INF2: variants seen among roughly 807,000 people sequenced by gnomAD.
The protein encoded by INF2 is inverted formin-2.
A neutral mutation model predicts 123.5 loss-of-function variants in INF2; 43 were observed. That is an observed-to-expected ratio of 0.35 (90% confidence interval 0.27 to 0.45). The LOEUF (loss-of-function observed/expected upper bound fraction) is 0.45, where lower values mean the gene tolerates loss of function less well. Ranked by LOEUF, INF2 falls within the 20% of genes least tolerant of loss-of-function variation. The probability of loss-of-function intolerance (pLI) is 1.00; values close to 1 mark genes in which losing one functional copy is unlikely to be tolerated. For missense variants in INF2, 1,453 were observed against 1,682.7 expected (o/e 0.86, Z 2.39); for synonymous variants, 851 against 745.0 (o/e 1.14, Z -2.32).
At chr14:104,703,242 T>G in intron 3 of INF2, 22 bp downstream of exon 3, 1 of 1,612,956 alleles carries the variant, frequency 6.2e-7, no homozygotes, top group Non-Finnish European at 8.5e-7. Flanking sequence ...GGCCTGGGCC[T>G]GGGCACATGG....
intron 16 of INF2, 45 bp from the exon 17 acceptor site, chr14:104,712,388 G>A (rs1595177298): frequency 2.5e-6 from 4 of 1,610,054 alleles, no homozygotes; most frequent in Admixed American, 1.7e-5. Flanking sequence ...CAGCGAGGCT[G>A]ACGTCAGCCG....
chr14:104,682,222 A>C (rs1225938943), intron 1 of INF2, among the ~76,000 whole-genome samples: 1 of 152,128 alleles, frequency 6.6e-6, no homozygotes, highest in East Asian at 1.9e-4. Flanking sequence ...AGATGCAGGC[A>C]GGAGGCAGCA....
chr14:104,696,095 C>T (rs1287110907), intron 1 of INF2, among the ~76,000 whole-genome samples: 1 of 152,202 alleles, frequency 6.6e-6, no homozygotes, highest in African/African-American at 2.4e-5. Flanking sequence ...ACCATGCGGC[C>T]TGCTTCCCAT....
Position 104,718,734 on chromosome 14 carries a change from C to T in INF2, c.*2-61C>T, listed in dbSNP as rs1438992287. On this transcript the variant is annotated intron_variant, in intron 22 of 22. Coordinates refer to ENST00000392634, the MANE Select transcript of INF2 (RefSeq NM_022489.4). ...AGGGACCTGGGCACCCAGAAGCGGGCACCTGATATTGTACCCAGCAAAACT... is the reference window on the plus strand; with the variant it reads ...AGGGACCTGGGCACCCAGAAGCGGGTACCTGATATTGTACCCAGCAAAACT... 3.8e-6 allele frequency: 6 copies of T among 1,594,312 alleles called. No homozygotes were observed. The East Asian group carries it at 1.4e-4, about 36-fold the overall frequency.
rs1278798595 is a variant in INF2, at chr14:104,714,415, G to C, written c.3253G>C (p.Val1085Leu). ...RSSWYVDASDVLTTEDPQCPQ... is the reference protein window; with the variant it reads ...RSSWYVDASDLLTTEDPQCPQ... ...TTCCTGGTATGTGGATGCCAGCGAT[G>C]TCCTAACCACTGAGGATCCCCAGTG... is the stretch of plus-strand genomic sequence containing the variant. Residue 1085 changes from valine to leucine, a missense_variant, in exon 21 of 23, where the codon GTC becomes CTC. This residue lies in a region of INF2 where 344 missense variants were observed against 333.1 expected (regional missense o/e 1.03). Coordinates refer to ENST00000392634, the MANE Select transcript of INF2 (RefSeq NM_022489.4). 5 of 1,607,254 alleles carry C rather than the reference G, an allele frequency of 3.1e-6. No individual in the cohort carries two copies. The South Asian group carries it at 5.5e-5, about 18-fold the overall frequency.
In INF2 at chr14:104,715,345, G is replaced by A. The variant is rs764188359; in HGVS notation, c.*1+5G>A. 98 of 1,612,914 alleles carry A rather than the reference G, an allele frequency of 6.1e-5. No individual in the cohort carries two copies. Among genetic ancestry groups the A allele is most frequent in the Admixed American group, 8.3e-5 (5 of 60,008 alleles). On this transcript the variant is annotated splice_donor_5th_base_variant and intron_variant, in intron 22 of 22. Transcript: ENST00000392634. ...AACTGTGTGTGATCCAGTAAGGTAT[G>A]TACGCAGCCGGCGCTCCGTGGGGGC...
At chr14:104,681,373 C>CT (rs1176821253) in exon 1 of INF2, 2 of 451,538 alleles carry the variant, frequency 4.4e-6, no homozygotes, top group East Asian at 7.0e-5. Flanking sequence ...CACGTGCAGG[C>CT]TTGGCCCTCA....
At chr14:104,713,040 C>T (rs768558410) in intron 18 of INF2, 48 bp downstream of exon 18, 6 of 1,610,172 alleles carry the variant, frequency 3.7e-6, no homozygotes, top group East Asian at 2.2e-5. Context: ...AGTGGGGTCC[C>T]GAGGCCCCTG....
intron 2 of INF2, 38 bp downstream of exon 2, chr14:104,701,794 TG>T: frequency 1.4e-6 from 2 of 1,452,512 alleles, no homozygotes; most frequent in Non-Finnish European, 1.8e-6. Flanking sequence ...AGGCGGACGC[TG>T]GGGACCTGGT....
intron 20 of INF2, 127 bp downstream of exon 20, chr14:104,713,733 A>G: frequency 9.4e-7 from 1 of 1,061,888 alleles, no homozygotes; most frequent in Non-Finnish European, 1.3e-6. Context: ...GAGGCCCCTA[A>G]GACTGGGGAC....
chr14:104,718,880 C>T lies in INF2; in HGVS notation c.*87C>T, dbSNP rs1890443317. The stretch of plus-strand genomic sequence containing the variant: ...CTGCCAAGAGAGGCTCTTCTGGGGG[C>T]CAGGCTGGGACTGGGCCCCGGAAAC... On this transcript the variant is annotated 3_prime_UTR_variant, in exon 23 of 23. Transcript: ENST00000392634. The T allele has an allele frequency of 6.3e-7, 1 of 1,595,736 alleles. No individual in the cohort carries two copies. Among genetic ancestry groups the T allele is most frequent in the African/African-American group, 1.3e-5 (1 of 74,158 alleles).
Position 104,699,365 on chromosome 14 carries a change from A to G in INF2, c.-9-1992A>G. 4.1e-6 allele frequency: 4 copies of G among 984,190 alleles called. No homozygotes were observed. The highest frequency in any genetic ancestry group is 4.8e-6 in the Non-Finnish European group (4 of 828,876). 61.0% of individuals were successfully genotyped at this position (984,190 alleles called of 1,614,324 possible). On this transcript the variant is annotated intron_variant, in intron 1 of 22. Coordinates refer to ENST00000392634, the MANE Select transcript of INF2 (RefSeq NM_022489.4). This position sits in a 1 kb window ranked among gnomAD's most constrained non-coding sequence, Gnocchi z 4.7. ...GGGGCCTCTTTAGGCAGCAACAGCC[A>G]AGGCGGGTGGGAATATATGCAGAGG... is the stretch of plus-strand genomic sequence containing the variant.
intron 2 of INF2, 22 bp from the exon 3 acceptor site, chr14:104,703,083 C>A (rs1220812566): frequency 6.3e-7 from 1 of 1,591,228 alleles, no homozygotes; most frequent in Non-Finnish European, 8.6e-7. Context: ...CCCTGCTGAG[C>A]CTGCCCACTC....
At chr14:104,705,809 C>A (rs1366995914) in intron 5 of INF2, among the ~76,000 whole-genome samples, 1 of 152,234 alleles carries the variant, frequency 6.6e-6, no homozygotes, top group Non-Finnish European at 1.5e-5. Context: ...TGCCTGGTGA[C>A]CCGGGGGCAG....
At chr14:104,707,089 G>A (rs1217815080) in intron 7 of INF2, 38 bp downstream of exon 7, 2 of 1,553,606 alleles carry the variant, frequency 1.3e-6, no homozygotes, top group South Asian at 1.2e-5. Flanking sequence ...ACAGCCTGGT[G>A]GGCAGACACT....
rs368194536 is a variant in INF2 at position 104,711,135 on chromosome 14, G to A, written c.2367G>A (p.Thr789=). ...GFKISTLLKL[T]ETKSQQNRVT... ...AGATCAGCACATTGCTGAAGCTCAC[G>A]GAGACCAAGTCCCAGCAGAACCGCG... Residue 789 remains threonine, a synonymous_variant, in exon 15 of 23, where the codon ACG becomes ACA. Transcript: ENST00000392634. 6.8e-5 allele frequency: 108 copies of A among 1,578,650 alleles called. No individual in the cohort carries two copies. Among genetic ancestry groups the A allele is most frequent in the African/African-American group, 1.8e-4 (13 of 73,608 alleles).
Position 104,721,137 on chromosome 14 carries a change from C to T in INF2, c.*2344C>T, listed in dbSNP as rs536217470. The stretch of plus-strand genomic sequence containing the variant: ...CTGCTGTGGACGTCTGCGTCGTCCT[C>T]GATGCTGCTGTGGACGTCTGCGTCG... On this transcript the variant is annotated 3_prime_UTR_variant, in exon 23 of 23. Transcript: ENST00000392634. 7.5e-6 allele frequency: 1 copy of T among 133,160 alleles called. No homozygotes were observed. The highest frequency in any genetic ancestry group is 3.0e-5 in the African/African-American group (1 of 32,866). 8.2% of individuals were successfully genotyped at this position (133,160 alleles called of 1,614,324 possible). A position where few individuals can be genotyped will look rare whatever the true frequency, so the allele number is the denominator to read the frequency against.
rs1889851681 is a variant in INF2 at position 104,707,716 on chromosome 14, C to T, written c.1449C>T (p.Ser483=). ...CTCTACCACCACCCCTGCCAGGCTCCTGTGAGTTCCTGCCCCCACCACCTC... is the reference window on the plus strand; with the variant it reads ...CTCTACCACCACCCCTGCCAGGCTCTTGTGAGTTCCTGCCCCCACCACCTC... The part of the protein sequence containing the change: ...APPLPPPLPG[S]CEFLPPPPPP... Residue 483 remains serine, a synonymous_variant, in exon 8 of 23, where the codon TCC becomes TCT. Transcript: ENST00000392634. 1.5e-6 allele frequency: 2 copies of T among 1,297,530 alleles called. No homozygotes were observed. Among genetic ancestry groups the T allele is most frequent in the Non-Finnish European group, 1.1e-6 (1 of 933,386 alleles). 80.4% of individuals were successfully genotyped at this position (1,297,530 alleles called of 1,614,324 possible).
chr14:104,688,185 T>G (rs947024851), upstream of INF2, among the ~76,000 whole-genome samples: 23 of 152,258 alleles, frequency 1.5e-4, no homozygotes, highest in African/African-American at 5.5e-4. Context: ...GGGTGTCCAG[T>G]GAGCGCCTGC....
Sources: gnomAD v4.1 joint callset for allele counts (sites outside exome capture counted in the v4.1 genomes callset) on GRCh38, gnomAD v4.1.1 for gene constraint, gnomAD v4.1.1 regional missense constraint, Gnocchi (gnomAD v3.1) non-coding constraint, MANE v1.5 for transcripts, NCBI Gene and HGNC (gene_info 2026-07-23, HGNC 2026-07-21) for gene names.